NHSL2: variants seen among roughly 807,000 people sequenced by gnomAD.
The protein encoded by NHSL2 is NHS like 2.
A neutral mutation model predicts 53.4 loss-of-function variants in NHSL2; 27 were observed. That is an observed-to-expected ratio of 0.51 (90% CI 0.37 to 0.70). The LOEUF is 0.70. NHSL2 is among the 30% of genes least tolerant of loss of function. The probability of loss-of-function intolerance (pLI) is 0.00; values close to 1 mark genes in which losing one functional copy is unlikely to be tolerated. For synonymous variants in NHSL2, 408 were observed against 404.1 expected, an observed-to-expected ratio of 1.01 and a Z score of -0.12; for missense variants, 892 against 980.1, an observed-to-expected ratio of 0.91 and a Z score of 1.20.
chrX:72,081,109 T>C (rs1316012482), intron 1 of NHSL2, among the ~76,000 whole-genome samples: 14 of 112,744 alleles, frequency 1.2e-4, no homozygotes, highest in Admixed American at 1.0e-3. Flanking sequence ...ATCAGGCGTA[T>C]GCTCAAAAGC....
intron 1 of NHSL2, among the ~76,000 whole-genome samples, chrX:71,985,641 T>C (rs1367380917): frequency 2.7e-5 from 3 of 112,630 alleles, no homozygotes; most frequent in Non-Finnish European, 5.6e-5. Context: ...AAGAAAAGTT[T>C]CTTTGACTCT....
At chrX:71,932,907 GAATCCTGTTATTCTAAGAAC>G (rs1479165074) in intron 1 of NHSL2, among the ~76,000 whole-genome samples, 1 of 112,746 alleles carries the variant, frequency 8.9e-6, no homozygotes, top group African/African-American at 3.2e-5. Flanking sequence ...AGCCAGACCA[GAATCCTGTTATTCTAAGAAC>G]AACCCTTGTG....
chrX:72,130,528 C>T, intron 1 of NHSL2: 3 of 1,211,222 alleles, frequency 2.5e-6, no homozygotes, highest in Non-Finnish European at 3.4e-6. Context: ...TTCATCTTCA[C>T]TTTCTTCCTC....
intron 1 of NHSL2, among the ~76,000 whole-genome samples, chrX:72,089,926 C>A (rs1468117991): frequency 9.0e-6 from 1 of 111,648 alleles, no homozygotes; most frequent in East Asian, 2.8e-4. Flanking sequence ...TTAACTTGAC[C>A]AATTCTAGTC....
intron 1 of NHSL2, among the ~76,000 whole-genome samples, chrX:72,082,651 A>G (rs189439906): frequency 8.9e-6 from 1 of 112,432 alleles, no homozygotes; most frequent in African/African-American, 3.2e-5. Flanking sequence ...TGCTTTGCCC[A>G]GTCCCAGGAT....
At chrX:71,932,244 C>T (rs2041717096) in intron 1 of NHSL2, among the ~76,000 whole-genome samples, 1 of 110,218 alleles carries the variant, frequency 9.1e-6, no homozygotes, top group Non-Finnish European at 1.9e-5. Flanking sequence ...AAGAGTATTC[C>T]AGGCAGCAAG....
chrX:72,130,788 G>A (rs752615330), intron 1 of NHSL2: 24 of 1,209,984 alleles, frequency 2.0e-5, no homozygotes, highest in Non-Finnish European at 2.2e-5. Flanking sequence ...CATAGCTGCC[G>A]AGGGTACAGT....
At chrX:71,947,731 G>A (rs1050203532) in intron 1 of NHSL2, among the ~76,000 whole-genome samples, 1 of 112,224 alleles carries the variant, frequency 8.9e-6, no homozygotes, top group African/African-American at 3.2e-5. Context: ...CACTGTCTTC[G>A]ACACTGCATC....
intron 1 of NHSL2, among the ~76,000 whole-genome samples, chrX:71,946,259 A>G (rs2147835691): frequency 8.9e-6 from 1 of 112,188 alleles, no homozygotes; most frequent in African/African-American, 3.2e-5. Context: ...ATCTGGAGAA[A>G]GAGTACAAGT....
chrX:71,977,627 G>T (rs1322809363), intron 1 of NHSL2, among the ~76,000 whole-genome samples: 1 of 110,735 alleles, frequency 9.0e-6, no homozygotes, highest in African/African-American at 3.3e-5. Context: ...TGCTTAGCCT[G>T]GTCTCAAATT....
chrX:71,927,320 G>A (rs1056474325), intron 1 of NHSL2, among the ~76,000 whole-genome samples: 1 of 111,921 alleles, frequency 8.9e-6, no homozygotes, highest in African/African-American at 3.2e-5. Flanking sequence ...AACCAAAAAT[G>A]TGCCTTGAAG....
chrX:72,049,006 AGAAGAAGAG>A (rs1435468168), intron 1 of NHSL2, among the ~76,000 whole-genome samples: 8 of 94,168 alleles, frequency 8.5e-5, no homozygotes, highest in African/African-American at 3.2e-4. Flanking sequence ...AAGAAGAAGA[AGAAGAAGAG>A]GAAGAGGAAG....
intron 1 of NHSL2, among the ~76,000 whole-genome samples, chrX:72,103,974 A>G (rs964003118): frequency 1.8e-5 from 2 of 112,928 alleles, no homozygotes; most frequent in African/African-American, 6.4e-5. Flanking sequence ...TTGAGCTACA[A>G]TGTGGACTCC....
Position 72,139,747 on chromosome X carries a change from C to T in NHSL2, c.2199C>T (p.Gly733=), listed in dbSNP as rs2147526635. The T allele has an allele frequency of 1.7e-6, 2 of 1,210,579 alleles. No homozygotes were observed. Among genetic ancestry groups the T allele is most frequent in the Non-Finnish European group, 1.1e-6 (1 of 894,810 alleles). Residue 733 remains glycine (G), a synonymous_variant, in exon 6 of 8, where the codon GGC becomes GGT. Transcript: ENST00000633930. ...TPTVSMSLTL[G]HLPPPSSSVR... ...CTGTTTCCATGTCCCTGACCCTGGG[C>T]CACTTACCCCCTCCAAGCAGCAGTG... is the stretch of plus-strand genomic sequence containing the variant.
intron 1 of NHSL2, 108 bp downstream of exon 1, chrX:71,911,475 T>A: frequency 1.5e-6 from 1 of 657,783 alleles, no homozygotes; most frequent in Non-Finnish European, 2.1e-6. Flanking sequence ...TCTCCGCCCC[T>A]CCCCTCCCCT....
At chrX:71,952,027 G>T (rs2041823381) in intron 1 of NHSL2, among the ~76,000 whole-genome samples, 1 of 112,307 alleles carries the variant, frequency 8.9e-6, no homozygotes, top group Non-Finnish European at 1.9e-5. Context: ...AGATTTCTCT[G>T]AACCCATTAT....
At chrX:72,105,051 G>T (rs917589912) in intron 1 of NHSL2, among the ~76,000 whole-genome samples, 1 of 111,811 alleles carries the variant, frequency 8.9e-6, no homozygotes, top group African/African-American at 3.3e-5. Flanking sequence ...GGAGACCTCA[G>T]TTGATAACAT....
At chrX:72,092,388 C>T (rs1039472423) in intron 1 of NHSL2, among the ~76,000 whole-genome samples, 22 of 111,525 alleles carry the variant, frequency 2.0e-4, no homozygotes, top group African/African-American at 5.6e-4. Flanking sequence ...ATACACGTTC[C>T]CCAAGAGAGG....
intron 1 of NHSL2, among the ~76,000 whole-genome samples, chrX:71,952,233 A>T (rs2041824329): frequency 8.9e-6 from 1 of 112,136 alleles, no homozygotes; most frequent in Middle Eastern, 4.6e-3. Flanking sequence ...TAAAAATGCT[A>T]TCTAGGGATT....
Sources: gnomAD v4.1 joint callset for allele counts (sites outside exome capture counted in the v4.1 genomes callset) on GRCh38, gnomAD v4.1.1 for gene constraint, MANE v1.5 for transcripts, NCBI Gene and HGNC (gene_info 2026-07-23, HGNC 2026-07-21) for gene names.